Variants in AFG1L observed in about 807,000 individuals in gnomAD.
AFG1L encodes the protein AFG1-like ATPase.
Under a neutral mutation model 62.2 loss-of-function variants are expected in AFG1L, and 53 were observed. That is an observed-to-expected ratio of 0.85 (90% CI 0.68 to 1.07). The LOEUF is 1.07. AFG1L is among the 50% of genes least tolerant of loss of function. AFG1L has a pLI of 0.00. For missense variants in AFG1L, 555 were observed against 590.5 expected (o/e 0.94, Z 0.62); for synonymous variants, 228 against 210.3 (o/e 1.08, Z -0.73).
At chr6:108,316,915 T>C (rs774757996) in intron 1 of AFG1L, among the ~76,000 whole-genome samples, 2 of 152,202 alleles carry the variant, frequency 1.3e-5, no homozygotes, top group East Asian at 1.9e-4. Flanking sequence ...CCTTATCATA[T>C]GTTTGTGATG....
intron 6 of AFG1L, among the ~76,000 whole-genome samples, chr6:108,396,967 T>A (rs1781338350): frequency 1.3e-5 from 2 of 152,210 alleles, no homozygotes; most frequent in Non-Finnish European, 1.5e-5. Flanking sequence ...ATTAAATTAT[T>A]ATTGAACTAT....
intron 11 of AFG1L, among the ~76,000 whole-genome samples, chr6:108,514,392 A>C (rs1774794215): frequency 6.6e-6 from 1 of 152,202 alleles, no homozygotes; most frequent in South Asian, 2.1e-4. Flanking sequence ...ATATCCAGCC[A>C]AACTAAGCTT....
chr6:108,463,653 G>T (rs1427891613), intron 8 of AFG1L, among the ~76,000 whole-genome samples: 1 of 152,090 alleles, frequency 6.6e-6, no homozygotes, highest in Admixed American at 6.5e-5. Flanking sequence ...TAATGTACAG[G>T]TCAAGATTAA....
intron 6 of AFG1L, among the ~76,000 whole-genome samples, chr6:108,366,863 A>G (rs1042466195): frequency 1.3e-5 from 2 of 152,196 alleles, no homozygotes; most frequent in Non-Finnish European, 2.9e-5. Flanking sequence ...CTTTCAGCCC[A>G]TCACGTGCTC....
intron 10 of AFG1L, among the ~76,000 whole-genome samples, chr6:108,479,063 C>G (rs1333746142): frequency 6.6e-6 from 1 of 152,196 alleles, no homozygotes; most frequent in African/African-American, 2.4e-5. Flanking sequence ...ATGATTATGG[C>G]TCACTACAGC....
chr6:108,325,779 C>A (rs911528506), intron 2 of AFG1L, among the ~76,000 whole-genome samples: 1 of 151,708 alleles, frequency 6.6e-6, no homozygotes, highest in African/African-American at 2.4e-5. Context: ...AGCCACTGCA[C>A]CTGACCTATT....
chr6:108,485,656 A>ATATATATATAT (rs1359021647), intron 10 of AFG1L, among the ~76,000 whole-genome samples: 1 of 25,032 alleles, frequency 4.0e-5, no homozygotes, highest in African/African-American at 2.6e-4. Flanking sequence ...ATATATATAT[A>ATATATATATAT]TTTTTTTTTT....
In AFG1L at chr6:108,522,347, A is replaced by G. The variant is rs1445095711; in HGVS notation, c.1368A>G (p.Ala456=). 1 of 1,614,018 alleles carries G rather than the reference A, an allele frequency of 6.2e-7. No individual in the cohort carries two copies. Among genetic ancestry groups the G allele is most frequent in the Non-Finnish European group, 8.5e-7 (1 of 1,179,922 alleles). ...SMFTGEEEIF[A]FQRTISRLTE... The stretch of plus-strand genomic sequence containing the variant: ...TTACCGGAGAAGAGGAAATCTTTGC[A>G]TTTCAGCGCACAATTTCCCGACTCA... The change falls in exon 13 of 13, where the codon GCA becomes GCG. Residue 456 remains alanine (A), a synonymous_variant. Coordinates refer to ENST00000368977, the MANE Select transcript of AFG1L (RefSeq NM_145315.5).
intron 1 of AFG1L, among the ~76,000 whole-genome samples, chr6:108,318,643 G>T (rs1001968083): frequency 3.3e-5 from 5 of 152,152 alleles, no homozygotes; most frequent in Non-Finnish European, 7.4e-5. Flanking sequence ...AGTGGGCTGT[G>T]GAGTATAGTA....
intron 3 of AFG1L, among the ~76,000 whole-genome samples, chr6:108,354,362 T>C (rs149397765): frequency 0.047 from 7,082 of 151,926 alleles, 268 homozygotes; most frequent in South Asian, 0.18. Context: ...CAGGCTGGAG[T>C]GCAGTGGCAC....
intron 1 of AFG1L, among the ~76,000 whole-genome samples, chr6:108,295,500 C>G (rs1294757995): frequency 2.0e-5 from 3 of 151,902 alleles, no homozygotes; most frequent in African/African-American, 7.3e-5. Flanking sequence ...GTGGGAGTGC[C>G]TGGCTTGAAG....
chr6:108,496,232 G>A (rs929288259), intron 10 of AFG1L, among the ~76,000 whole-genome samples: 4 of 152,212 alleles, frequency 2.6e-5, no homozygotes, highest in Non-Finnish European at 4.4e-5. Flanking sequence ...TGTTAGTGTG[G>A]TCAAAGGAGT....
chr6:108,381,449 C>G (rs1041624894), intron 6 of AFG1L, among the ~76,000 whole-genome samples: 21 of 151,930 alleles, frequency 1.4e-4, no homozygotes, highest in African/African-American at 4.8e-4. Flanking sequence ...TGTCTGTCAT[C>G]CTAGCTACTT....
chr6:108,500,171 C>CGTGTGTGT (rs61654685), intron 10 of AFG1L, among the ~76,000 whole-genome samples: 8,649 of 134,994 alleles, frequency 0.064, 447 homozygotes, highest in African/African-American at 0.13. Flanking sequence ...ATGGTGCGTG[C>CGTGTGTGT]GTGTGTGTGT....
intron 5 of AFG1L, among the ~76,000 whole-genome samples, chr6:108,362,688 G>A (rs1219133875): frequency 1.3e-5 from 2 of 152,160 alleles, no homozygotes; most frequent in Non-Finnish European, 2.9e-5. Flanking sequence ...ACTTGACCAA[G>A]GTCACACAAC....
intron 10 of AFG1L, among the ~76,000 whole-genome samples, chr6:108,499,506 G>A (rs924368081): frequency 4.6e-5 from 7 of 151,152 alleles, no homozygotes; most frequent in African/African-American, 1.5e-4. Flanking sequence ...GGGAGGCCAA[G>A]GTGTTTGGGA....
chr6:108,510,290 C>G lies in AFG1L; in HGVS notation c.1141C>G (p.Leu381Val), dbSNP rs377730822. The change falls in exon 11 of 13, where the codon CTG (leucine) becomes GTG (valine). Residue 381 changes from leucine to valine, a missense_variant. Coordinates refer to ENST00000368977, the MANE Select transcript of AFG1L (RefSeq NM_145315.5). ...IFLRNIPQFTLANRTQGRRFI... is the reference protein window; with the variant it reads ...IFLRNIPQFTVANRTQGRRFI... ...TTTACGAAACATTCCGCAATTTACT[C>G]TGGCAAACAGGACTCAAGGTCGAAG... 12 of 1,612,308 alleles carry G rather than the reference C, an allele frequency of 7.4e-6. No homozygotes were observed. In the African/African-American group the frequency reaches 1.6e-4, roughly 22 times the overall value.
At chr6:108,443,929 AT>A (rs551262608) in intron 7 of AFG1L, among the ~76,000 whole-genome samples, 1 of 152,052 alleles carries the variant, frequency 6.6e-6, no homozygotes, top group African/African-American at 2.4e-5. Context: ...GTTAAAATAT[AT>A]TTTTCCCATG....
At chr6:108,343,398 C>T (rs1471954145) in intron 2 of AFG1L, among the ~76,000 whole-genome samples, 2 of 151,816 alleles carry the variant, frequency 1.3e-5, no homozygotes, top group Non-Finnish European at 2.9e-5. Flanking sequence ...TGCAATCTTT[C>T]CCCCCATCTT....
Sources: allele counts gnomAD v4.1 joint callset (sites outside exome capture counted in the v4.1 genomes callset), GRCh38; gene constraint gnomAD v4.1.1; transcripts MANE v1.5; gene names NCBI Gene and HGNC (gene_info 2026-07-23, HGNC 2026-07-21).